Variants in ATP8A2 observed in about 807,000 individuals in gnomAD.
The protein encoded by ATP8A2 is ATPase phospholipid transporting 8A2, also known as phospholipid-transporting ATPase IB.
ATP8A2 carries 100 observed loss-of-function variants against 165.6 expected under a neutral mutation model. The observed-to-expected ratio is 0.60, with a 90% CI of 0.51 to 0.71. ATP8A2 has a LOEUF of 0.71. ATP8A2 is among the 30% of genes least tolerant of loss of function. The pLI, the probability that ATP8A2 is intolerant of heterozygous loss-of-function variation, is 0.00. For synonymous variants in ATP8A2, 543 were observed against 548.8 expected, an observed-to-expected ratio of 0.99 and a Z score of 0.15; for missense variants, 1,227 against 1,479.5, an observed-to-expected ratio of 0.83 and a Z score of 2.80.
At chr13:25,540,884 T>G (rs1489598235) in intron 8 of ATP8A2, among the ~76,000 whole-genome samples, 1 of 151,468 alleles carries the variant, frequency 6.6e-6, no homozygotes, top group Non-Finnish European at 1.5e-5. Context: ...TTTTTTGAGA[T>G]GGAGCCTTGC....
chr13:25,931,096 A>C (rs1354661140), intron 33 of ATP8A2, among the ~76,000 whole-genome samples: 1 of 152,172 alleles, frequency 6.6e-6, no homozygotes, highest in East Asian at 1.9e-4. Context: ...CCAAAATCTG[A>C]AGTGCCCCCA....
intron 25 of ATP8A2, among the ~76,000 whole-genome samples, chr13:25,701,977 C>T (rs1408060524): frequency 6.6e-6 from 1 of 152,030 alleles, no homozygotes; most frequent in Non-Finnish European, 1.5e-5. Context: ...GGAGACATTT[C>T]TTGGCTGATC....
intron 2 of ATP8A2, among the ~76,000 whole-genome samples, chr13:25,524,617 CG>C (rs1027905868): frequency 1.5e-4 from 23 of 151,854 alleles, no homozygotes; most frequent in African/African-American, 5.5e-4. Flanking sequence ...ACTTGTAGTC[CG>C]TTTTGTGTAT....
chr13:25,771,427 G>A (rs1378657709), intron 26 of ATP8A2, among the ~76,000 whole-genome samples: 1 of 152,158 alleles, frequency 6.6e-6, no homozygotes, highest in Non-Finnish European at 1.5e-5. Context: ...AACATCATAT[G>A]GCTGGAAGGG....
rs549828322 is a variant in ATP8A2 at position 25,430,435 on chromosome 13, C to T, written c.77-38542C>T. 1.5e-3 allele frequency among the ~76,000 whole-genome samples: 225 copies of T among 152,180 alleles called. 1 individual carries two copies. Among genetic ancestry groups the T allele is most frequent in the Non-Finnish European group, 2.8e-3 (192 of 68,008 alleles). Reference sequence around the variant, plus strand: ...TTGTAGGAGCAGGAGTGGTTGTGCACGGCTGGATTTGGCAAAGACTTGTCA... The same window carrying T: ...TTGTAGGAGCAGGAGTGGTTGTGCATGGCTGGATTTGGCAAAGACTTGTCA... On this transcript the variant is annotated intron_variant, in intron 1 of 36. Coordinates refer to ENST00000381655, the MANE Select transcript of ATP8A2 (RefSeq NM_016529.6).
chr13:25,484,521 T>C (rs12872089), intron 2 of ATP8A2, among the ~76,000 whole-genome samples: 12,033 of 152,048 alleles, frequency 0.079, 685 homozygotes, highest in African/African-American at 0.16. Context: ...TTATTTTAAA[T>C]TTTTTCTTTT....
At chr13:25,820,342 T>G (rs1951146583) in intron 27 of ATP8A2, among the ~76,000 whole-genome samples, 1 of 152,198 alleles carries the variant, frequency 6.6e-6, no homozygotes, top group African/African-American at 2.4e-5. Context: ...AAGCCAGCAG[T>G]GCTTGGCAAG....
At chr13:25,962,969 C>A (rs1430691703) in intron 34 of ATP8A2, among the ~76,000 whole-genome samples, 3 of 151,808 alleles carry the variant, frequency 2.0e-5, no homozygotes, top group Non-Finnish European at 2.9e-5. Flanking sequence ...TTCTTAAATT[C>A]TTTGATTTAC....
intron 35 of ATP8A2, among the ~76,000 whole-genome samples, chr13:26,008,608 G>A (rs1956788010): frequency 6.6e-6 from 1 of 152,158 alleles, no homozygotes; most frequent in Non-Finnish European, 1.5e-5. Flanking sequence ...GACCTGAGCA[G>A]CTGAACAGGA....
At chr13:25,554,856 A>C in intron 12 of ATP8A2, 135 bp from the exon 13 acceptor site, 1 of 552,776 alleles carries the variant, frequency 1.8e-6, no homozygotes, top group South Asian at 2.9e-5. Flanking sequence ...CACTGCGCCC[A>C]GCCAAAATCA....
intron 25 of ATP8A2, among the ~76,000 whole-genome samples, chr13:25,751,159 C>T (rs2044146085): frequency 6.6e-6 from 1 of 152,194 alleles, no homozygotes. Flanking sequence ...AGTCAACCTC[C>T]CATACCTTGG....
intron 25 of ATP8A2, among the ~76,000 whole-genome samples, chr13:25,720,172 T>C (rs975663008): frequency 8.4e-5 from 12 of 142,026 alleles, no homozygotes; most frequent in East Asian, 2.0e-4. Context: ...TTTTTCTTTT[T>C]TTTTTTTTTT....
intron 27 of ATP8A2, among the ~76,000 whole-genome samples, chr13:25,789,216 T>C (rs911575296): frequency 2.6e-5 from 4 of 152,194 alleles, no homozygotes; most frequent in Admixed American, 2.6e-4. Context: ...TAATAGCATA[T>C]GCAGTCACTA....
chr13:25,657,498 C>A (rs573983468), intron 24 of ATP8A2, among the ~76,000 whole-genome samples: 1 of 152,296 alleles, frequency 6.6e-6, no homozygotes, highest in African/African-American at 2.4e-5. Context: ...TACTCATTGC[C>A]AAGCAGTTGT....
chr13:25,519,672 TAAGGTC>T (rs1226982856), intron 2 of ATP8A2, among the ~76,000 whole-genome samples: 1 of 152,170 alleles, frequency 6.6e-6, no homozygotes. Flanking sequence ...CCCCAAGCTC[TAAGGTC>T]TTGGGTTTCC....
chr13:25,486,914 T>C (rs2036371799), intron 2 of ATP8A2, among the ~76,000 whole-genome samples: 1 of 152,104 alleles, frequency 6.6e-6, no homozygotes, highest in South Asian at 2.1e-4. Context: ...TAAAGTGAGC[T>C]GAGATTGCAC....
At chr13:25,858,410 T>A (rs1225197410) in intron 30 of ATP8A2, among the ~76,000 whole-genome samples, 3 of 152,170 alleles carry the variant, frequency 2.0e-5, no homozygotes, top group African/African-American at 7.2e-5. Flanking sequence ...TCTCGCCCCG[T>A]TCTCCCGATA....
At chr13:25,488,317 C>T (rs1390186346) in intron 2 of ATP8A2, among the ~76,000 whole-genome samples, 1 of 152,220 alleles carries the variant, frequency 6.6e-6, no homozygotes, top group Non-Finnish European at 1.5e-5. Flanking sequence ...TGTTAAACAA[C>T]TCCCTGTTCT....
intron 1 of ATP8A2, among the ~76,000 whole-genome samples, chr13:25,406,966 G>A (rs570666625): frequency 2.4e-4 from 37 of 152,254 alleles, no homozygotes; most frequent in African/African-American, 8.2e-4. Context: ...GCCTGTTACC[G>A]CTGCTTCCAG....
Sources: gnomAD v4.1 joint callset for allele counts (sites outside exome capture counted in the v4.1 genomes callset) on GRCh38, gnomAD v4.1.1 for gene constraint, MANE v1.5 for transcripts, NCBI Gene and HGNC (gene_info 2026-07-23, HGNC 2026-07-21) for gene names.